SGCD: variants seen among roughly 807,000 people sequenced by gnomAD.
SGCD encodes the protein delta-sarcoglycan.
A neutral mutation model predicts 36.6 loss-of-function variants in SGCD; 18 were observed. The observed-to-expected ratio is 0.49, with a 90% CI of 0.34 to 0.73. The LOEUF is 0.73. SGCD is among the 30% of genes least tolerant of loss of function. The pLI is 0.01. For synonymous variants in SGCD, 133 were observed against 130.6 expected, an observed-to-expected ratio of 1.02 and a Z score of -0.12; for missense variants, 387 against 346.7, an observed-to-expected ratio of 1.12 and a Z score of -0.92.
intron 3 of SGCD, among the ~76,000 whole-genome samples, chr5:156,439,522 C>CCCCCTA (rs1385066099): frequency 1.3e-5 from 2 of 151,974 alleles, no homozygotes; most frequent in Non-Finnish European, 2.9e-5. Context: ...TGCATAATTG[C>CCCCCTA]CCCCTACTCC....
intron 1 of SGCD, among the ~76,000 whole-genome samples, chr5:155,923,626 G>T (rs151298821): frequency 1.9e-3 from 282 of 152,256 alleles, no homozygotes; most frequent in African/African-American, 6.3e-3. Flanking sequence ...ACCAACTGAG[G>T]AATGTCATTG....
intron 7 of SGCD, among the ~76,000 whole-genome samples, chr5:156,741,961 C>T (rs1297876935): frequency 2.6e-5 from 4 of 151,986 alleles, no homozygotes; most frequent in Non-Finnish European, 5.9e-5. Flanking sequence ...CTGAAAGCTC[C>T]ACCTCCCAGC....
At chr5:156,261,993 TAAA>T (rs943446399) in intron 3 of SGCD, among the ~76,000 whole-genome samples, 8 of 151,762 alleles carry the variant, frequency 5.3e-5, no homozygotes, top group Non-Finnish European at 8.8e-5. Flanking sequence ...TAAGAAGGAG[TAAA>T]AAAGTTAAAA....
intron 1 of SGCD, among the ~76,000 whole-genome samples, chr5:156,019,615 A>G (rs1759055728): frequency 6.6e-6 from 1 of 152,216 alleles, no homozygotes; most frequent in South Asian, 2.1e-4. Flanking sequence ...CTTATTTCAT[A>G]TGAAAGCAGC....
chr5:156,529,500 T>A (rs1757792819), intron 4 of SGCD, among the ~76,000 whole-genome samples: 1 of 150,788 alleles, frequency 6.6e-6, no homozygotes. Context: ...TCTTCACTCC[T>A]ATGTTGTTGG....
In SGCD at chr5:156,759,428, G is replaced by A. The variant is rs1230745107; in HGVS notation, c.*38G>A. 3.4e-6 allele frequency: 5 copies of A among 1,484,962 alleles called. No individual in the cohort carries two copies. Among genetic ancestry groups the A allele is most frequent in the South Asian group, 1.3e-5 (1 of 77,680 alleles). The allele number at this position is 1,484,962 out of a possible 1,614,324, so 92.0% of individuals were successfully genotyped here. On this transcript the variant is annotated 3_prime_UTR_variant, in exon 9 of 9. Transcript: ENST00000337851. ...AGTGGACATTGTTGGCAGCATAAAG[G>A]CCTTTTTTGGCTTTAGACACTGGCT... is the stretch of plus-strand genomic sequence containing the variant.
chr5:156,642,267 G>C (rs1351302678), intron 6 of SGCD, among the ~76,000 whole-genome samples: 1 of 151,918 alleles, frequency 6.6e-6, no homozygotes, highest in Admixed American at 6.6e-5. Context: ...TCTGAATTTT[G>C]GGGGGACACA....
At chr5:156,350,377 T>C (rs1043417077) in intron 3 of SGCD, among the ~76,000 whole-genome samples, 1 of 151,532 alleles carries the variant, frequency 6.6e-6, no homozygotes, top group Non-Finnish European at 1.5e-5. Flanking sequence ...TCAAACCCCC[T>C]GTGTAATGAC....
At chr5:156,538,611 TG>T (rs1758219208) in intron 4 of SGCD, among the ~76,000 whole-genome samples, 2 of 152,262 alleles carry the variant, frequency 1.3e-5, no homozygotes, top group Admixed American at 6.5e-5. Flanking sequence ...TCACCTGTTT[TG>T]CTTGGTATAT....
intron 1 of SGCD, among the ~76,000 whole-genome samples, chr5:155,981,826 T>G (rs187422662): frequency 8.5e-5 from 13 of 152,308 alleles, no homozygotes. Flanking sequence ...TTTAGTGATG[T>G]ATCATATGGT....
chr5:156,142,829 A>C (rs1581125867), intron 3 of SGCD, among the ~76,000 whole-genome samples: 1 of 152,252 alleles, frequency 6.6e-6, no homozygotes, highest in Non-Finnish European at 1.5e-5. Context: ...TAAATGTAAA[A>C]GGGAAGCAGA....
At chr5:155,894,829 T>C (rs563062758) in intron 1 of SGCD, among the ~76,000 whole-genome samples, 50 of 152,254 alleles carry the variant, frequency 3.3e-4, no homozygotes, top group South Asian at 1.0e-3. Context: ...TGGTGAGTTG[T>C]ATAATTATTT....
chr5:155,894,520 G>A (rs924553006), intron 1 of SGCD, among the ~76,000 whole-genome samples: 5 of 152,110 alleles, frequency 3.3e-5, no homozygotes, highest in South Asian at 2.1e-4. Context: ...AAACTGGGCC[G>A]CATAGCAGAT....
chr5:156,360,258 T>C (rs1217531052), intron 3 of SGCD, among the ~76,000 whole-genome samples: 1 of 151,868 alleles, frequency 6.6e-6, no homozygotes, highest in Non-Finnish European at 1.5e-5. Context: ...TTTTTTTTTT[T>C]TTTTTGGAGA....
At chr5:156,750,313 G>C (rs1757103281) in intron 7 of SGCD, among the ~76,000 whole-genome samples, 1 of 152,066 alleles carries the variant, frequency 6.6e-6, no homozygotes, top group African/African-American at 2.4e-5. Context: ...GAAGAAGCAA[G>C]GTTCTCATTT....
intron 1 of SGCD, among the ~76,000 whole-genome samples, chr5:156,088,942 G>A (rs983590487): frequency 1.3e-5 from 2 of 152,082 alleles, no homozygotes; most frequent in African/African-American, 4.8e-5. Flanking sequence ...TGAATGAGAG[G>A]TCAGCATCTC....
intron 3 of SGCD, among the ~76,000 whole-genome samples, chr5:156,184,513 G>T (rs1483248032): frequency 6.6e-6 from 1 of 151,782 alleles, no homozygotes; most frequent in East Asian, 1.9e-4. Context: ...TCCTGATATT[G>T]CAATATGCCC....
At chr5:156,753,867 T>G (rs1020501277) in intron 7 of SGCD, among the ~76,000 whole-genome samples, 2 of 152,082 alleles carry the variant, frequency 1.3e-5, no homozygotes, top group Non-Finnish European at 2.9e-5. Context: ...CAAGATGAGA[T>G]TTGGGTGGGA....
chr5:156,758,397 T>C (rs1757417414), intron 8 of SGCD, among the ~76,000 whole-genome samples: 1 of 152,138 alleles, frequency 6.6e-6, no homozygotes, highest in South Asian at 2.1e-4. Flanking sequence ...GTGTTTTTTT[T>C]TTTTTAAGAA....
Sources: gnomAD v4.1 joint callset for allele counts (sites outside exome capture counted in the v4.1 genomes callset) on GRCh38, gnomAD v4.1.1 for gene constraint, MANE v1.5 for transcripts, NCBI Gene and HGNC (gene_info 2026-07-23, HGNC 2026-07-21) for gene names.